Variants in SNX29 observed in about 807,000 individuals in gnomAD.
The protein encoded by SNX29 is sorting nexin-29.
SNX29 carries 78 observed loss-of-function variants against 102.1 expected under a neutral mutation model. That is an observed-to-expected ratio of 0.76 (90% CI 0.64 to 0.92). SNX29 has a LOEUF of 0.92. Ranked by LOEUF, SNX29 falls within the 40% of genes least tolerant of loss-of-function variation. SNX29 has a pLI of 0.00. For missense variants in SNX29, 1,280 were observed against 1,061.7 expected, an observed-to-expected ratio of 1.21 and a Z score of -2.86; for synonymous variants, 580 against 414.5, an observed-to-expected ratio of 1.40 and a Z score of -4.85.
intron 16 of SNX29, among the ~76,000 whole-genome samples, chr16:12,376,407 G>C (rs1172454165): frequency 6.6e-6 from 1 of 152,172 alleles, no homozygotes; most frequent in Non-Finnish European, 1.5e-5. Context: ...CCCTGTAATT[G>C]ATTATGTAGG....
chr16:12,515,712 A>T (rs774576559), intron 19 of SNX29: 8 of 440,286 alleles, frequency 1.8e-5, no homozygotes, highest in African/African-American at 6.0e-5. Flanking sequence ...GCTCTACTGG[A>T]TCTAAGCTCC....
intron 15 of SNX29, among the ~76,000 whole-genome samples, chr16:12,316,277 T>C (rs553659889): frequency 1.4e-4 from 22 of 152,324 alleles, no homozygotes; most frequent in African/African-American, 5.1e-4. Context: ...AAAAGGCCTC[T>C]TCTGGGAGGC....
intron 19 of SNX29, among the ~76,000 whole-genome samples, chr16:12,506,876 C>T (rs1476686102): frequency 6.7e-6 from 1 of 150,052 alleles, no homozygotes; most frequent in Non-Finnish European, 1.5e-5. Context: ...TCTCTTTCCT[C>T]AGGCTTGTCC....
chr16:12,137,578 C>T (rs544896337), intron 13 of SNX29, among the ~76,000 whole-genome samples: 4 of 152,324 alleles, frequency 2.6e-5, no homozygotes, highest in African/African-American at 9.6e-5. Flanking sequence ...TGCTGTCCTG[C>T]ACCCCAGGCG....
At chr16:12,528,107 G>T (rs1181614438) in intron 20 of SNX29, among the ~76,000 whole-genome samples, 1 of 152,054 alleles carries the variant, frequency 6.6e-6, no homozygotes, top group Non-Finnish European at 1.5e-5. Context: ...TTACAGGTGT[G>T]AGCCACCGCA....
chr16:12,373,735 A>T (rs2151390493), intron 16 of SNX29: 1 of 152,292 alleles, frequency 6.6e-6, no homozygotes, highest in Middle Eastern at 3.4e-3. Context: ...TCACCTTAGC[A>T]TCCTGACTAC....
intron 14 of SNX29, among the ~76,000 whole-genome samples, chr16:12,235,888 T>G (rs569580130): frequency 1.2e-4 from 19 of 152,138 alleles, no homozygotes; most frequent in South Asian, 1.0e-3. Flanking sequence ...ATAGAAACCT[T>G]AGGAAACTGA....
intron 18 of SNX29, among the ~76,000 whole-genome samples, chr16:12,419,632 G>A (rs2084791673): frequency 6.6e-6 from 1 of 152,094 alleles, no homozygotes; most frequent in Non-Finnish European, 1.5e-5. Context: ...GGCTGTGGTG[G>A]CAGGGGTGGT....
rs141277711 is a variant in SNX29, at chr16:12,089,154, G to GAGAA, written c.1402+10257_1402+10260dup. Among the ~76,000 whole-genome samples the GAGAA allele has an allele frequency of 7.6e-3, 1,136 of 149,474 alleles. 25 individuals are homozygous for GAGAA. Among genetic ancestry groups the GAGAA allele is most frequent in the East Asian group, 0.043 (213 of 5,000 alleles). ...GAGAGAGAGAGAGAGAAAAGAGAAA[G>GAGAA]AGAAAGAAAGAAAGAAAGAAAAAGT... On this transcript the variant is annotated intron_variant, in intron 11 of 20. Transcript: ENST00000566228.
At chr16:12,547,574 T>C (rs756675273) in intron 20 of SNX29, among the ~76,000 whole-genome samples, 2 of 150,556 alleles carry the variant, frequency 1.3e-5, no homozygotes, top group Admixed American at 1.3e-4. Context: ...TCCCCCTCCC[T>C]CACGAGGATT....
intron 20 of SNX29, among the ~76,000 whole-genome samples, chr16:12,525,123 G>A (rs760842884): frequency 2.0e-5 from 3 of 152,038 alleles, no homozygotes; most frequent in Non-Finnish European, 4.4e-5. Flanking sequence ...CACACATTTC[G>A]ATCAAGGGAA....
intron 13 of SNX29, among the ~76,000 whole-genome samples, chr16:12,196,012 C>T (rs560545290): frequency 4.3e-5 from 5 of 117,182 alleles, no homozygotes; most frequent in South Asian, 5.8e-4. Flanking sequence ...TTTTTTGAGA[C>T]AAGGTCTTAC....
intron 20 of SNX29, among the ~76,000 whole-genome samples, chr16:12,554,307 G>A (rs181085704): frequency 1.3e-5 from 2 of 152,352 alleles, no homozygotes; most frequent in East Asian, 3.9e-4. Flanking sequence ...TGAGGTTTCA[G>A]TTTTAACTAA....
At chr16:12,459,575 G>A (rs963792644) in intron 18 of SNX29, among the ~76,000 whole-genome samples, 1 of 152,178 alleles carries the variant, frequency 6.6e-6, no homozygotes, top group African/African-American at 2.4e-5. Context: ...GCGGGATTAT[G>A]CCTCAGAGCC....
At chr16:12,144,242 T>C (rs1283542164) in intron 13 of SNX29, among the ~76,000 whole-genome samples, 1 of 152,222 alleles carries the variant, frequency 6.6e-6, no homozygotes, top group East Asian at 1.9e-4. Context: ...GGGAGCTAAT[T>C]TTTTGTTGCT....
chr16:12,252,401 T>G (rs1240447481), intron 14 of SNX29, among the ~76,000 whole-genome samples: 1 of 152,196 alleles, frequency 6.6e-6, no homozygotes, highest in Non-Finnish European at 1.5e-5. Context: ...GCCCCACTTC[T>G]TTAGCAACTG....
At chr16:12,108,733 C>T (rs1389556794) in intron 11 of SNX29, among the ~76,000 whole-genome samples, 1 of 152,156 alleles carries the variant, frequency 6.6e-6, no homozygotes, top group Non-Finnish European at 1.5e-5. Flanking sequence ...GGTTTGAACC[C>T]AGCCTGAGCC....
At chr16:12,554,032 C>G (rs901418739) in intron 20 of SNX29, among the ~76,000 whole-genome samples, 2 of 152,276 alleles carry the variant, frequency 1.3e-5, no homozygotes, top group African/African-American at 4.8e-5. Flanking sequence ...AACCATGTTG[C>G]CCAGGCTGGT....
chr16:12,548,918 C>T (rs962302872), intron 20 of SNX29, among the ~76,000 whole-genome samples: 1 of 152,210 alleles, frequency 6.6e-6, no homozygotes, highest in African/African-American at 2.4e-5. Context: ...TGTAGGTATT[C>T]TTCAGTACCT....
Sources: allele counts gnomAD v4.1 joint callset (sites outside exome capture counted in the v4.1 genomes callset), GRCh38; gene constraint gnomAD v4.1.1; transcripts MANE v1.5; gene names NCBI Gene and HGNC (gene_info 2026-07-23, HGNC 2026-07-21).